The following SMOC2 variants were observed in gnomAD, a reference collection of about 807,000 sequenced individuals.
SMOC2 encodes SPARC related modular calcium binding 2.
SMOC2 carries 39 observed loss-of-function variants against 61.4 expected under a neutral mutation model. The observed-to-expected ratio is 0.64, with a 90% CI of 0.49 to 0.83. The LOEUF (loss-of-function observed/expected upper bound fraction) is 0.83. Ranked by LOEUF, SMOC2 falls within the 40% of genes least tolerant of loss-of-function variation. The pLI is 0.00. For synonymous variants in SMOC2, 247 were observed against 239.9 expected, an observed-to-expected ratio of 1.03 and a Z score of -0.27; for missense variants, 556 against 592.9, an observed-to-expected ratio of 0.94 and a Z score of 0.65.
chr6:168,605,186 C>G (rs1785655189), intron 8 of SMOC2, among the ~76,000 whole-genome samples: 1 of 152,178 alleles, frequency 6.6e-6, no homozygotes, highest in African/African-American at 2.4e-5. Context: ...TGTCTGCCAT[C>G]CAACTGCTGG....
intron 4 of SMOC2, among the ~76,000 whole-genome samples, chr6:168,543,319 A>G (rs1259082231): frequency 6.6e-6 from 1 of 152,210 alleles, no homozygotes; most frequent in Non-Finnish European, 1.5e-5. Context: ...ATGGGTATGT[A>G]TGTTATGGCT....
chr6:168,665,190 G>A (rs546335541), intron 12 of SMOC2: 4 of 169,314 alleles, frequency 2.4e-5, no homozygotes, highest in East Asian at 3.6e-4. Flanking sequence ...GTACTCATGC[G>A]CTCCACGCAT....
chr6:168,610,798 A>G (rs1322326479), intron 9 of SMOC2, among the ~76,000 whole-genome samples: 3 of 152,198 alleles, frequency 2.0e-5, no homozygotes, highest in African/African-American at 7.2e-5. Flanking sequence ...GGTCTGGCTT[A>G]AGGGGCTACA....
chr6:168,520,453 G>A (rs774023113), intron 2 of SMOC2, among the ~76,000 whole-genome samples: 8 of 152,194 alleles, frequency 5.3e-5, no homozygotes, highest in African/African-American at 9.7e-5. Flanking sequence ...GCCCCGTCCC[G>A]GCCAGCCCTG....
chr6:168,610,860 G>A (rs546346978), intron 9 of SMOC2, among the ~76,000 whole-genome samples: 6 of 152,272 alleles, frequency 3.9e-5, no homozygotes, highest in Middle Eastern at 6.8e-3. Context: ...CTTTCATTGT[G>A]TAGGTTTCCT....
intron 9 of SMOC2, among the ~76,000 whole-genome samples, chr6:168,646,578 CG>C (rs1393141620): frequency 6.6e-6 from 1 of 152,162 alleles, no homozygotes. Context: ...AAAATAAGGA[CG>C]TTTCATAGAA....
intron 1 of SMOC2, among the ~76,000 whole-genome samples, chr6:168,473,956 C>T (rs773337336): frequency 5.3e-5 from 8 of 152,090 alleles, no homozygotes; most frequent in Non-Finnish European, 8.8e-5. Flanking sequence ...AGCTATATGA[C>T]GTTAGGCAGA....
rs191750927 is a variant in SMOC2, at chr6:168,512,202, G to A, written c.256+2116G>A. Among the ~76,000 whole-genome samples the A allele has an allele frequency of 1.9e-4, 29 of 152,230 alleles. No homozygotes were observed. The East Asian group carries it at 5.0e-3, about 26-fold the overall frequency. ...CTGGCAGGGCTGAGTGCTGGATCCCGGAATTTGCACTCTCCTGTGGGAAAT... is the reference window on the plus strand; with the variant it reads ...CTGGCAGGGCTGAGTGCTGGATCCCAGAATTTGCACTCTCCTGTGGGAAAT... On this transcript the variant is annotated intron_variant, in intron 2 of 12. Transcript: ENST00000356284.
chr6:168,444,405 C>T (rs1050670169), intron 1 of SMOC2, among the ~76,000 whole-genome samples: 9 of 152,184 alleles, frequency 5.9e-5, no homozygotes, highest in African/African-American at 2.2e-4. Context: ...ACCTCTGCTA[C>T]TTTATGTTTA....
chr6:168,593,007 T>G (rs34249978), intron 7 of SMOC2, among the ~76,000 whole-genome samples: 4 of 56 alleles, frequency 0.071, no homozygotes, highest in Admixed American at 0.33. Flanking sequence ...CTAGAGGATC[T>G]CCGAGCTCCT....
At chr6:168,465,583 C>T (rs903920007) in intron 1 of SMOC2, among the ~76,000 whole-genome samples, 4 of 148,880 alleles carry the variant, frequency 2.7e-5, no homozygotes, top group African/African-American at 9.8e-5. Flanking sequence ...AATGCTACTT[C>T]TTTTTTTTTT....
chr6:168,619,270 G>A (rs1158944086), intron 9 of SMOC2, among the ~76,000 whole-genome samples: 1 of 152,176 alleles, frequency 6.6e-6, no homozygotes, highest in South Asian at 2.1e-4. Context: ...AGTTTAGCCT[G>A]CGTTACTTTG....
At chr6:168,558,401 A>C (rs935594997) in intron 7 of SMOC2, among the ~76,000 whole-genome samples, 3 of 152,144 alleles carry the variant, frequency 2.0e-5, no homozygotes, top group African/African-American at 7.2e-5. Flanking sequence ...CTCCTCCTGC[A>C]TGCCATCAGT....
intron 7 of SMOC2, among the ~76,000 whole-genome samples, chr6:168,593,963 T>G (rs1334465292): frequency 9.9e-4 from 6 of 6,032 alleles, no homozygotes; most frequent in Admixed American, 2.3e-3. Flanking sequence ...CACGGGCATC[T>G]TTCTAGAGGA....
intron 7 of SMOC2, among the ~76,000 whole-genome samples, chr6:168,573,686 C>G (rs1379473898): frequency 6.6e-6 from 1 of 152,120 alleles, no homozygotes; most frequent in Non-Finnish European, 1.5e-5. Context: ...CCCTGGTATC[C>G]GCTTCACACC....
chr6:168,641,526 T>C (rs1419531786), intron 9 of SMOC2, among the ~76,000 whole-genome samples: 1 of 152,206 alleles, frequency 6.6e-6, no homozygotes, highest in South Asian at 2.1e-4. Flanking sequence ...AACACACACG[T>C]TGGTCTTTAA....
rs145278843 is a variant in SMOC2 at position 168,650,652 on chromosome 6, A to T, written c.908-29A>T. On this transcript the variant is annotated intron_variant, in intron 9 of 12. Transcript: ENST00000356284. ...GAAAATCTGTTAGGCTTTATGAGTT[A>T]ATTATGAAAACATACACGTGTTTTT... 248 of 1,597,192 alleles carry T rather than the reference A, an allele frequency of 1.6e-4. 1 individual carries two copies. In the African/African-American group the frequency reaches 2.7e-3, roughly 17 times the overall value.
chr6:168,489,080 C>T (rs918250590), intron 1 of SMOC2, among the ~76,000 whole-genome samples: 5 of 150,322 alleles, frequency 3.3e-5, no homozygotes, highest in African/African-American at 1.2e-4. Context: ...CATCTGGGTC[C>T]CCTTGGATCA....
intron 2 of SMOC2, among the ~76,000 whole-genome samples, chr6:168,522,094 A>G (rs1783341521): frequency 6.6e-6 from 1 of 152,240 alleles, no homozygotes. Context: ...ATTTCCAGCT[A>G]AGATGTTTTT....
Sources: allele counts gnomAD v4.1 joint callset (sites outside exome capture counted in the v4.1 genomes callset), GRCh38; gene constraint gnomAD v4.1.1; transcripts MANE v1.5; gene names NCBI Gene and HGNC (gene_info 2026-07-23, HGNC 2026-07-21).